Variants in LARGE1 observed in about 807,000 individuals in gnomAD.
The protein encoded by LARGE1 is LARGE xylosyl- and glucuronyltransferase 1.
LARGE1 carries 43 observed loss-of-function variants against 87.6 expected under a neutral mutation model. The observed-to-expected ratio is 0.49, with a 90% CI of 0.38 to 0.63. The LOEUF is 0.63. Among genes scored for constraint, LARGE1 ranks in the 30% least tolerant of loss-of-function variants. LARGE1 has a pLI of 0.00. For missense variants in LARGE1, 802 were observed against 1,000.2 expected, an observed-to-expected ratio of 0.80 and a Z score of 2.67; for synonymous variants, 434 against 394.6, an observed-to-expected ratio of 1.10 and a Z score of -1.18.
the LARGE1 span, among the ~76,000 whole-genome samples, chr22:33,150,531 T>C: frequency 6.6e-6 from 1 of 152,184 alleles, no homozygotes; most frequent in Admixed American, 6.5e-5. Flanking sequence ...AAGTTAAAAT[T>C]ACGTATTCCC....
At chr22:33,090,206 ATAAC>A in the LARGE1 span, among the ~76,000 whole-genome samples, 47 of 152,360 alleles carry the variant, frequency 3.1e-4, no homozygotes, top group East Asian at 3.3e-3. Context: ...CTCCGTCTCA[ATAAC>A]TAACTAACTA....
chr22:33,559,375 T>C (rs1325592078), intron 6 of LARGE1, among the ~76,000 whole-genome samples: 1 of 152,114 alleles, frequency 6.6e-6, no homozygotes, highest in Non-Finnish European at 1.5e-5. Flanking sequence ...AGAGACGGGG[T>C]TTCGCCATGT....
intron 6 of LARGE1, among the ~76,000 whole-genome samples, chr22:33,470,896 C>T (rs1481062016): frequency 2.0e-5 from 3 of 152,218 alleles, no homozygotes; most frequent in Non-Finnish European, 4.4e-5. Flanking sequence ...CTAAGTCTCC[C>T]TGAGCCTCAG....
At chr22:33,423,787 T>C (rs952557372) in intron 7 of LARGE1, among the ~76,000 whole-genome samples, 1 of 152,064 alleles carries the variant, frequency 6.6e-6, no homozygotes, top group Non-Finnish European at 1.5e-5. Flanking sequence ...GTTACAAATA[T>C]GGGGCAAGGA....
intron 11 of LARGE1, among the ~76,000 whole-genome samples, chr22:33,236,943 G>A (rs5998823): frequency 1.3e-5 from 2 of 152,324 alleles, no homozygotes; most frequent in African/African-American, 4.8e-5. Flanking sequence ...CCATTGAATC[G>A]CTGGCATCTC....
intron 1 of LARGE1, among the ~76,000 whole-genome samples, chr22:33,919,141 G>C (rs942584133): frequency 2.6e-5 from 4 of 151,150 alleles, no homozygotes. Context: ...CATTAAACAG[G>C]GTCACCCAAG....
chr22:33,701,396 C>T (rs544902985), intron 2 of LARGE1, among the ~76,000 whole-genome samples: 1 of 152,146 alleles, frequency 6.6e-6, no homozygotes, highest in East Asian at 1.9e-4. Flanking sequence ...CTCGGCAGCG[C>T]GTGACAATAA....
At chr22:33,852,698 T>C (rs921329160) in intron 1 of LARGE1, among the ~76,000 whole-genome samples, 1 of 150,894 alleles carries the variant, frequency 6.6e-6, no homozygotes, top group Non-Finnish European at 1.5e-5. Flanking sequence ...AAAACATATA[T>C]ACAAAAAATA....
At chr22:33,454,773 T>C (rs2068067073) in intron 6 of LARGE1, among the ~76,000 whole-genome samples, 1 of 152,046 alleles carries the variant, frequency 6.6e-6, no homozygotes, top group Admixed American at 6.6e-5. Context: ...ACGTCTCACA[T>C]GGTGGGAGCA....
chr22:33,289,418 C>A (rs143144821), intron 12 of LARGE1, among the ~76,000 whole-genome samples: 2 of 152,218 alleles, frequency 1.3e-5, no homozygotes, highest in African/African-American at 4.8e-5. Context: ...CCTCTCCCAA[C>A]CACAGGTTCC....
chr22:33,734,972 A>G (rs1211082294), intron 2 of LARGE1, among the ~76,000 whole-genome samples: 1 of 152,214 alleles, frequency 6.6e-6, no homozygotes, highest in African/African-American at 2.4e-5. Context: ...TGGAAGGTGT[A>G]GGAGATCAGA....
intron 2 of LARGE1, among the ~76,000 whole-genome samples, chr22:33,688,646 C>CGG (rs2082010857): frequency 6.6e-6 from 1 of 152,002 alleles, no homozygotes; most frequent in South Asian, 2.1e-4. Flanking sequence ...CCACCGCACC[C>CGG]GGCCCTGCAT....
intron 11 of LARGE1, among the ~76,000 whole-genome samples, chr22:33,188,409 G>T (rs1923603445): frequency 6.6e-6 from 1 of 152,096 alleles, no homozygotes; most frequent in African/African-American, 2.4e-5. Context: ...TCATTAAGGG[G>T]AAATGGGATA....
chr22:33,142,138 T>G, the LARGE1 span, among the ~76,000 whole-genome samples: 3 of 152,218 alleles, frequency 2.0e-5, no homozygotes, highest in Non-Finnish European at 4.4e-5. Flanking sequence ...GATCAGAGCT[T>G]GTGCTTAAAC....
the LARGE1 span, among the ~76,000 whole-genome samples, chr22:33,141,362 G>T: frequency 1.3e-5 from 2 of 152,148 alleles, no homozygotes; most frequent in South Asian, 4.1e-4. Context: ...ATATCACTGA[G>T]AAGTGTTAGT....
chr22:33,642,829 A>C (rs1178728784), intron 3 of LARGE1, among the ~76,000 whole-genome samples: 3 of 151,728 alleles, frequency 2.0e-5, no homozygotes, highest in Non-Finnish European at 4.4e-5. Context: ...TGGTAAAGGG[A>C]TCAATGTAAC....
At chr22:33,580,412 T>C (rs1367374864) in intron 5 of LARGE1, among the ~76,000 whole-genome samples, 1 of 150,678 alleles carries the variant, frequency 6.6e-6, no homozygotes. Context: ...CACCTATTGC[T>C]CTGTCAGCCT....
At chr22:33,674,971 G>C (rs1373191662) in intron 2 of LARGE1, among the ~76,000 whole-genome samples, 1 of 145,142 alleles carries the variant, frequency 6.9e-6, no homozygotes, top group Non-Finnish European at 1.5e-5. Context: ...TAGGGGCTCA[G>C]AAAAAAAAAA....
intron 1 of LARGE1, among the ~76,000 whole-genome samples, chr22:33,825,280 A>G (rs2062745790): frequency 6.6e-6 from 1 of 152,008 alleles, no homozygotes; most frequent in Non-Finnish European, 1.5e-5. Context: ...CCAGTCCCCA[A>G]ATATGGGATG....
Sources: allele counts gnomAD v4.1 joint callset (sites outside exome capture counted in the v4.1 genomes callset), GRCh38; gene constraint gnomAD v4.1.1; transcripts MANE v1.5; gene names NCBI Gene and HGNC (gene_info 2026-07-23, HGNC 2026-07-21).